The following ARL15 variants were observed in gnomAD, a reference collection of about 807,000 sequenced individuals.
The protein encoded by ARL15 is ADP-ribosylation factor-like protein 15.
In ARL15, 19 loss-of-function variants were observed where a neutral mutation model predicts 25.2. The ratio of observed to expected loss-of-function variants is 0.75; its 90% CI spans 0.53 to 1.10. The LOEUF (loss-of-function observed/expected upper bound fraction) is 1.10. Among genes scored for constraint, ARL15 ranks in the 50% least tolerant of loss-of-function variants. The pLI is 0.00. For synonymous variants in ARL15, 94 were observed against 86.8 expected, an observed-to-expected ratio of 1.08 and a Z score of -0.46; for missense variants, 220 against 246.0, an observed-to-expected ratio of 0.89 and a Z score of 0.71.
chr5:54,282,485 G>T (rs1469096), intron 1 of ARL15: 1 of 985,118 alleles, frequency 1.0e-6, no homozygotes, highest in East Asian at 1.1e-4. Flanking sequence ...TGTTTTCTAG[G>T]CTAGCTCAAA....
At chr5:54,140,461 T>TAG (rs1554043184) in intron 3 of ARL15, among the ~76,000 whole-genome samples, 11,255 of 123,074 alleles carry the variant, frequency 0.091, 540 homozygotes, top group Admixed American at 0.15. Context: ...GATAGATAGA[T>TAG]AGATAGAGAT....
chr5:54,055,245 A>G (rs971618497), intron 4 of ARL15, among the ~76,000 whole-genome samples: 68 of 152,100 alleles, frequency 4.5e-4, no homozygotes, highest in African/African-American at 1.5e-3. Context: ...CATCTACAGT[A>G]AACGGCATAG....
chr5:53,932,996 T>C (rs896830687), intron 4 of ARL15, among the ~76,000 whole-genome samples: 9 of 152,212 alleles, frequency 5.9e-5, no homozygotes, highest in African/African-American at 2.2e-4. Flanking sequence ...CATATAAGCA[T>C]GAAAATGTAA....
chr5:54,107,491 T>A (rs71619995), intron 4 of ARL15, among the ~76,000 whole-genome samples: 1,635 of 152,174 alleles, frequency 0.011, 23 homozygotes, highest in Middle Eastern at 0.041. Flanking sequence ...ATCATGAAAC[T>A]TCGATAGGAA....
intron 4 of ARL15, among the ~76,000 whole-genome samples, chr5:53,993,866 C>G (rs1462211908): frequency 6.6e-6 from 1 of 152,122 alleles, no homozygotes; most frequent in Non-Finnish European, 1.5e-5. Context: ...GGGAAAATTC[C>G]AGTTTCATTA....
At chr5:54,092,522 C>A (rs1752163039) in intron 4 of ARL15, among the ~76,000 whole-genome samples, 1 of 152,080 alleles carries the variant, frequency 6.6e-6, no homozygotes, top group South Asian at 2.1e-4. Context: ...TGGTAGAACC[C>A]AGAAGACCAT....
At chr5:54,113,728 CAG>C (rs1220074089) in intron 3 of ARL15, among the ~76,000 whole-genome samples, 1 of 152,182 alleles carries the variant, frequency 6.6e-6, no homozygotes, top group African/African-American at 2.4e-5. Context: ...AGGATATTTT[CAG>C]ACTTTAATCA....
At chr5:54,240,244 A>C (rs1756923896) in intron 1 of ARL15, among the ~76,000 whole-genome samples, 1 of 144,622 alleles carries the variant, frequency 6.9e-6, no homozygotes, top group African/African-American at 2.6e-5. Flanking sequence ...AAAAAAAAAA[A>C]AACACATCGC....
chr5:54,115,585 T>C (rs991722807), intron 3 of ARL15, among the ~76,000 whole-genome samples: 1 of 152,176 alleles, frequency 6.6e-6, no homozygotes, highest in Non-Finnish European at 1.5e-5. Flanking sequence ...AGGAGGGAAG[T>C]ATAATTGACT....
chr5:53,969,520 CAG>C (rs2112177107), intron 4 of ARL15, among the ~76,000 whole-genome samples: 1 of 152,202 alleles, frequency 6.6e-6, no homozygotes, highest in African/African-American at 2.4e-5. Flanking sequence ...GAGCAAAATG[CAG>C]AGTGAACAAA....
At chr5:54,112,202 G>A (rs929859649) in intron 4 of ARL15, among the ~76,000 whole-genome samples, 2 of 152,026 alleles carry the variant, frequency 1.3e-5, no homozygotes, top group Non-Finnish European at 2.9e-5. Flanking sequence ...AAACTTCAAA[G>A]TAAATTATCC....
At position 54,291,453 on chromosome 5, in the gene ARL15, T is replaced by C. The variant is rs959087666; in HGVS notation, c.48+18979A>G. 3.3e-5 allele frequency among the ~76,000 whole-genome samples: 5 copies of C among 152,358 alleles called. No homozygotes were observed. In the South Asian group the frequency reaches 1.0e-3, roughly 32 times the overall value. On this transcript the variant is annotated intron_variant, in intron 1 of 4. Transcript: ENST00000504924. ...ACAATGTTGTGTAATTATTAGACTG[T>C]ATTTTTTATTTTGTATTATTTTTTA...
At chr5:53,900,413 T>C (rs1368813516) in intron 4 of ARL15, among the ~76,000 whole-genome samples, 1 of 152,180 alleles carries the variant, frequency 6.6e-6, no homozygotes, top group Non-Finnish European at 1.5e-5. Context: ...GGTTAGGCTA[T>C]CAAGACTCAA....
chr5:54,282,222 T>G (rs1364534628), intron 1 of ARL15: 1 of 983,152 alleles, frequency 1.0e-6, no homozygotes, highest in East Asian at 1.1e-4. Flanking sequence ...ACTAGGGTCT[T>G]CACTTATTTT....
At chr5:54,023,289 A>C (rs1204242749) in intron 4 of ARL15, among the ~76,000 whole-genome samples, 1 of 58,380 alleles carries the variant, frequency 1.7e-5, no homozygotes, top group African/African-American at 5.2e-5. Context: ...CTAAAAATCT[A>C]AACAGACACA....
intron 1 of ARL15, among the ~76,000 whole-genome samples, chr5:54,196,575 AATTATTAT>A (rs1755555530): frequency 6.6e-6 from 1 of 152,182 alleles, no homozygotes; most frequent in South Asian, 2.1e-4. Context: ...TAATAACAAT[AATTATTAT>A]TTATGCCATA....
At chr5:53,919,705 A>G (rs944674580) in intron 4 of ARL15, among the ~76,000 whole-genome samples, 6 of 152,168 alleles carry the variant, frequency 3.9e-5, no homozygotes, top group African/African-American at 1.4e-4. Flanking sequence ...GGGGAGGCAG[A>G]TAGAGCTAAC....
chr5:54,109,548 A>G (rs769315928), intron 4 of ARL15, among the ~76,000 whole-genome samples: 1 of 151,980 alleles, frequency 6.6e-6, no homozygotes. Flanking sequence ...ATTGGCTACT[A>G]TATCAACTTA....
intron 2 of ARL15, among the ~76,000 whole-genome samples, chr5:54,165,594 T>C (rs779638901): frequency 6.6e-6 from 1 of 151,706 alleles, no homozygotes; most frequent in Non-Finnish European, 1.5e-5. Context: ...TTCTTACTCA[T>C]GTAACATCTT....
Sources: gnomAD v4.1 joint callset for allele counts (sites outside exome capture counted in the v4.1 genomes callset) on GRCh38, gnomAD v4.1.1 for gene constraint, MANE v1.5 for transcripts, NCBI Gene and HGNC (gene_info 2026-07-23, HGNC 2026-07-21) for gene names.